INPP5E: variants seen among roughly 807,000 people sequenced by gnomAD.
INPP5E encodes phosphatidylinositol polyphosphate 5-phosphatase type IV.
In INPP5E, 34 loss-of-function variants were observed where a neutral mutation model predicts 50.5. That is an observed-to-expected ratio of 0.67 (90% CI 0.51 to 0.90). The LOEUF (loss-of-function observed/expected upper bound fraction) is 0.90. INPP5E is among the 40% of genes least tolerant of loss of function. The probability of loss-of-function intolerance (pLI) is 0.00; values close to 1 mark genes in which losing one functional copy is unlikely to be tolerated. For missense variants in INPP5E, 942 were observed against 905.5 expected (o/e 1.04, Z -0.52); for synonymous variants, 447 against 406.0 (o/e 1.10, Z -1.21).
chr9:136,438,884 G>C lies in INPP5E; in HGVS notation c.536C>G (p.Ala179Gly). ...GCTGGGCAGCCTGGGCGAGCTCCCC[G>C]CCACGGCGGCGTCTCTGTGCGGGAG... ...PNLPHRDAAVAGSSPRLPSLL... is the reference protein window; with the variant it reads ...PNLPHRDAAVGGSSPRLPSLL... The change falls in exon 1 of 10, where the codon GCG becomes GGG. Residue 179 changes from alanine (A) to glycine (G), a missense_variant. Ala to Gly is a moderately conservative substitution (Grantham distance 60). Transcript: ENST00000371712. 1 of 1,586,276 alleles carries C rather than the reference G, an allele frequency of 6.3e-7. No individual in the cohort carries two copies. Among genetic ancestry groups the C allele is most frequent in the Non-Finnish European group, 8.6e-7 (1 of 1,166,644 alleles).
At chr9:136,430,551 T>G in intron 8 of INPP5E, 138 bp from the exon 9 acceptor site, 1 of 1,074,198 alleles carries the variant, frequency 9.3e-7, no homozygotes, top group Non-Finnish European at 1.4e-6. Context: ...GCCCATTTTG[T>G]TGCCTGGCGT....
intron 8 of INPP5E, 39 bp from the exon 9 acceptor site, chr9:136,430,452 G>A (rs747859252): frequency 6.4e-7 from 1 of 1,551,036 alleles, no homozygotes; most frequent in South Asian, 1.2e-5. Flanking sequence ...CCAGTTACTT[G>A]TGAGGAGCCG....
chr9:136,430,803 G>A (rs572055477), intron 8 of INPP5E, among the ~76,000 whole-genome samples, 199 bp downstream of exon 8: 4 of 152,260 alleles, frequency 2.6e-5, no homozygotes, highest in East Asian at 1.9e-4. Flanking sequence ...TGTGCCAGCC[G>A]GCTCACCCAG....
rs750574856 is a variant in INPP5E at position 136,433,209 on chromosome 9, C to T, written c.1105G>A (p.Gly369Ser). ...ATGAAGAGCGACATGTAGAGCACGC[C>T]GTGGGCCGCCGAGGACAGCAGCACA... Reference protein sequence around the residue: ...HYVLLSSAAHGVLYMSLFIRR... With the variant: ...HYVLLSSAAHSVLYMSLFIRR... Residue 369 changes from glycine to serine, a missense_variant, in exon 4 of 10, where the codon GGC becomes AGC. Physicochemically the swap from Gly to Ser is moderately conservative, Grantham distance 56. Transcript: ENST00000371712. 7.5e-6 allele frequency: 12 copies of T among 1,589,560 alleles called. No individual in the cohort carries two copies. The highest frequency in any genetic ancestry group is 2.2e-5 in the South Asian group (2 of 90,908).
At position 136,431,905 on chromosome 9, in the gene INPP5E, C is replaced by T. The variant is rs757222534; in HGVS notation, c.1468G>A (p.Asp490Asn). The T allele has an allele frequency of 2.5e-6, 4 of 1,611,264 alleles. No individual in the cohort carries two copies. Among genetic ancestry groups the T allele is most frequent in the Non-Finnish European group, 3.4e-6 (4 of 1,179,544 alleles). ...ACCAGGCCCTGGCACAGGAGGGCGT[C>T]CACGACTGTGCGCCCGCCACTCAGG... Reference protein sequence around the residue: ...FRLSGGRTVVDALLCQGLVVD... With the variant: ...FRLSGGRTVVNALLCQGLVVD... The change falls in exon 7 of 10, where the codon GAC (aspartate) becomes AAC (asparagine). Residue 490 changes from aspartate (D) to asparagine (N), a missense_variant. Coordinates refer to ENST00000371712, the MANE Select transcript of INPP5E (RefSeq NM_019892.6).
intron 1 of INPP5E, chr9:136,437,639 C>T (rs1835858301): frequency 6.6e-6 from 1 of 152,334 alleles, no homozygotes; most frequent in African/African-American, 2.4e-5. Flanking sequence ...TGCAAGCCTC[C>T]CAGTCTGTGG....
intron 1 of INPP5E, chr9:136,435,771 A>G (rs1835815466): frequency 6.6e-6 from 1 of 152,202 alleles, no homozygotes; most frequent in Admixed American, 6.5e-5. Context: ...TGCAAGAGCC[A>G]CCAGGGGATG....
In INPP5E at chr9:136,438,806, G is replaced by A; in HGVS notation, c.614C>T (p.Ser205Phe). ...GTCGACCTTGTTTGCTGTCCTCAGGGAGTCGGAGGCGATGTCCAGGCTCAG... is the reference window on the plus strand; with the variant it reads ...GTCGACCTTGTTTGCTGTCCTCAGGAAGTCGGAGGCGATGTCCAGGCTCAG... Reference protein sequence around the residue: ...PALSLDIASDSLRTANKVDSD... With the variant: ...PALSLDIASDFLRTANKVDSD... The change falls in exon 1 of 10, where the codon TCC (serine) becomes TTC (phenylalanine). Residue 205 changes from serine (S) to phenylalanine (F), a missense_variant. Physicochemically the swap from Ser to Phe is radical, Grantham distance 155. Transcript: ENST00000371712. 7 of 1,612,136 alleles carry A rather than the reference G, an allele frequency of 4.3e-6. No homozygotes were observed. Among genetic ancestry groups the A allele is most frequent in the Non-Finnish European group, 5.9e-6 (7 of 1,179,690 alleles).
intron 5 of INPP5E, 83 bp downstream of exon 5, chr9:136,432,873 G>A: frequency 6.5e-7 from 1 of 1,535,616 alleles, no homozygotes; most frequent in South Asian, 1.2e-5. Context: ...CAGCGGTCAG[G>A]ACCCCTGCCT....
chr9:136,433,104 T>C, intron 4 of INPP5E, 29 bp from the exon 5 acceptor site: 2 of 1,611,978 alleles, frequency 1.2e-6, no homozygotes, highest in Non-Finnish European at 1.7e-6. Flanking sequence ...TCAGCTCACC[T>C]GTGGGACGCT....
chr9:136,434,934 A>C, intron 1 of INPP5E, 71 bp from the exon 2 acceptor site: 1 of 1,541,528 alleles, frequency 6.5e-7, no homozygotes, highest in Non-Finnish European at 8.8e-7. Flanking sequence ...CCAGGTCCCC[A>C]GGGACAATAG....
Position 136,439,055 on chromosome 9 carries a change from C to G in INPP5E, c.365G>C (p.Gly122Ala). 6.4e-7 allele frequency: 1 copy of G among 1,568,554 alleles called. No individual in the cohort carries two copies. Among genetic ancestry groups the G allele is most frequent in the Non-Finnish European group, 8.6e-7 (1 of 1,157,610 alleles). Reference protein sequence around the residue: ...SRGSVQSEGPGAPAHSCSPPC... With the variant: ...SRGSVQSEGPAAPAHSCSPPC... ...CGGGGAGCAGCTGTGGGCGGGGGCC[C>G]CGGGGCCCTCGCTCTGCACTGAGCC... The change falls in exon 1 of 10, where the codon GGG (glycine) becomes GCG (alanine). Residue 122 changes from glycine (G) to alanine (A), a missense_variant. Gly to Ala is a moderately conservative substitution (Grantham distance 60, BLOSUM62 0). Transcript: ENST00000371712.
chr9:136,434,787 G>A lies in INPP5E; in HGVS notation c.889C>T (p.Arg297Trp), dbSNP rs547445320. ...GTGGCCACGAAGAGTGCCACGTTCC[G>A]GTCTGGGAAGTAGCGGGCCAGCTCA... ...ADELARYFPDRNVALFVATWN... is the reference protein window; with the variant it reads ...ADELARYFPDWNVALFVATWN... Residue 297 changes from arginine (R) to tryptophan (W), a missense_variant, in exon 2 of 10, where the codon CGG becomes TGG. By Grantham distance (101) the Arg-to-Trp change is moderately radical. Transcript: ENST00000371712. 14 of 1,608,860 alleles carry A rather than the reference G, an allele frequency of 8.7e-6. No homozygotes were observed. The highest frequency in any genetic ancestry group is 2.2e-5 in the South Asian group (2 of 90,878).
In INPP5E at chr9:136,432,360, G is replaced by A. The variant is rs79170989; in HGVS notation, c.1387+119C>T. ...GGGCCATGCGCTGGGGGCACTGGAC[G>A]TTTCGGCCCTCGCTTCCCAAAGCTC... On this transcript the variant is annotated intron_variant, in intron 6 of 9. Coordinates refer to ENST00000371712, the MANE Select transcript of INPP5E (RefSeq NM_019892.6). 8,386 of 740,504 alleles carry A rather than the reference G, an allele frequency of 0.011. 80 individuals are homozygous for A. The highest frequency in any genetic ancestry group is 0.017 in the Middle Eastern group (47 of 2,824). 45.9% of individuals were successfully genotyped at this position (740,504 alleles called of 1,614,324 possible). A position where few individuals can be genotyped will look rare whatever the true frequency, so the allele number is the denominator to read the frequency against.
chr9:136,431,150 A>T (rs758973886), intron 7 of INPP5E, 33 bp from the exon 8 acceptor site: 1 of 1,465,092 alleles, frequency 6.8e-7, no homozygotes, highest in East Asian at 2.3e-5. Flanking sequence ...ACTGGCTCAG[A>T]CCAGCTTGTG....
Position 136,429,616 on chromosome 9 carries a change from T to A in INPP5E, c.*59A>T, listed in dbSNP as rs1588830414. 1 of 1,603,996 alleles carries A rather than the reference T, an allele frequency of 6.2e-7. No individual in the cohort carries two copies. Among genetic ancestry groups the A allele is most frequent in the East Asian group, 2.2e-5 (1 of 44,860 alleles). ...GCGGCAAACTCTTTGTCCTTCCCAGTGGGTTTTGATCAATACAATCACCCC... is the reference window on the plus strand; with the variant it reads ...GCGGCAAACTCTTTGTCCTTCCCAGAGGGTTTTGATCAATACAATCACCCC... On this transcript the variant is annotated 3_prime_UTR_variant, in exon 10 of 10. Coordinates refer to ENST00000371712, the MANE Select transcript of INPP5E (RefSeq NM_019892.6).
intron 5 of INPP5E, 39 bp downstream of exon 5, chr9:136,432,917 C>T: frequency 6.2e-7 from 1 of 1,606,516 alleles, no homozygotes; most frequent in Non-Finnish European, 8.5e-7. Flanking sequence ...GGAAGCTGTT[C>T]TCACACAGCA....
Position 136,434,051 on chromosome 9 carries a change from C to T in INPP5E, c.1020G>A (p.Glu340=), listed in dbSNP as rs1219142842. ...AQDLYVIGVQ[E]GCSDRREWET... is the part of the protein sequence containing the mutation. ...AGCCGCCCTACCTGTCAGAACAGCCCTCCTGGACCCCGATGACATACAGGT... is the reference window on the plus strand; with the variant it reads ...AGCCGCCCTACCTGTCAGAACAGCCTTCCTGGACCCCGATGACATACAGGT... The change falls in exon 3 of 10, where the codon GAG becomes GAA. Residue 340 remains glutamate (E), a synonymous_variant. Transcript: ENST00000371712. 2 of 1,609,154 alleles carry T rather than the reference C, an allele frequency of 1.2e-6. No individual in the cohort carries two copies. Among genetic ancestry groups the T allele is most frequent in the Admixed American group, 1.7e-5 (1 of 59,738 alleles).
At chr9:136,434,942 T>C in intron 1 of INPP5E, 79 bp from the exon 2 acceptor site, 5 of 1,518,532 alleles carry the variant, frequency 3.3e-6, no homozygotes, top group African/African-American at 2.8e-5. Context: ...CCAGGGACAA[T>C]AGCAAAACCC....
Sources: gnomAD v4.1 joint callset for allele counts (sites outside exome capture counted in the v4.1 genomes callset) on GRCh38, gnomAD v4.1.1 for gene constraint, MANE v1.5 for transcripts, NCBI Gene and HGNC (gene_info 2026-07-23, HGNC 2026-07-21) for gene names.